Variants in IMPG2 observed in about 807,000 individuals in gnomAD.
IMPG2 encodes IPM 200.
A neutral mutation model predicts 129.2 loss-of-function variants in IMPG2; 91 were observed. The ratio of observed to expected loss-of-function variants is 0.70; its 90% confidence interval spans 0.59 to 0.84. The LOEUF (loss-of-function observed/expected upper bound fraction) is 0.84. IMPG2 is among the 40% of genes least tolerant of loss of function. IMPG2 has a pLI of 0.00. For missense variants in IMPG2, 1,430 were observed against 1,461.7 expected, an observed-to-expected ratio of 0.98 and a Z score of 0.35; for synonymous variants, 510 against 517.7, an observed-to-expected ratio of 0.99 and a Z score of 0.20.
chr3:101,248,315 T>A (rs1261710955), intron 11 of IMPG2, among the ~76,000 whole-genome samples: 2 of 152,296 alleles, frequency 1.3e-5, no homozygotes. Context: ...TCATCTCTTG[T>A]CTAACACCAT....
chr3:101,300,848 A>G (rs989579683), intron 3 of IMPG2, among the ~76,000 whole-genome samples: 1 of 152,224 alleles, frequency 6.6e-6, no homozygotes, highest in Non-Finnish European at 1.5e-5. Context: ...CTTTGCGTTC[A>G]CAACTTAGCT....
intron 2 of IMPG2, among the ~76,000 whole-genome samples, chr3:101,317,324 T>C (rs2058790046): frequency 6.6e-6 from 1 of 152,172 alleles, no homozygotes; most frequent in Non-Finnish European, 1.5e-5. Flanking sequence ...GTATGCTGTT[T>C]AATTTTACAA....
chr3:101,285,071 T>A (rs1706930643), intron 4 of IMPG2, among the ~76,000 whole-genome samples: 1 of 152,200 alleles, frequency 6.6e-6, no homozygotes, highest in Admixed American at 6.5e-5. Flanking sequence ...TCAGAGAATT[T>A]CATCCTGTAA....
At chr3:101,263,157 A>C (rs769017282) in intron 9 of IMPG2, among the ~76,000 whole-genome samples, 3 of 152,022 alleles carry the variant, frequency 2.0e-5, no homozygotes, top group Non-Finnish European at 4.4e-5. Flanking sequence ...AAGAAAAATC[A>C]ACAAAGGAAC....
At position 101,243,759 on chromosome 3, in the gene IMPG2, G is replaced by A. The variant is rs748868844; in HGVS notation, c.2572C>T (p.Gln858Ter). 1 of 1,613,792 alleles carries A rather than the reference G, an allele frequency of 6.2e-7. No individual in the cohort carries two copies. The highest frequency in any genetic ancestry group is 1.7e-5 in the Admixed American group (1 of 60,006). ...DYYQPEQVQE[Q>*]NGKVGSYVEM... is the part of the protein sequence containing the mutation. ...ACATAACTACCAACCTTGCCATTTT[G>A]CTCTTGGACTTGCTCAGGCTGATAG... Residue 858 changes from glutamine (Q) to a stop codon, truncating the protein, a stop_gained, in exon 13 of 19, where the codon CAA becomes TAA. Transcript: ENST00000193391. LOFTEE classifies it high-confidence loss of function.
At chr3:101,237,815 C>T (rs1432143075) in intron 14 of IMPG2, among the ~76,000 whole-genome samples, 2 of 152,002 alleles carry the variant, frequency 1.3e-5, no homozygotes, top group African/African-American at 4.8e-5. Flanking sequence ...GCCTCTTCTT[C>T]CACAAAGAAT....
At chr3:101,302,779 C>A (rs1471876019) in intron 3 of IMPG2, among the ~76,000 whole-genome samples, 1 of 152,072 alleles carries the variant, frequency 6.6e-6, no homozygotes, top group Non-Finnish European at 1.5e-5. Flanking sequence ...ACATGCAATA[C>A]GTTTCATTAA....
chr3:101,249,430 T>C (rs1262102772), intron 11 of IMPG2, among the ~76,000 whole-genome samples: 1 of 151,394 alleles, frequency 6.6e-6, no homozygotes, highest in African/African-American at 2.4e-5. Context: ...AACAACAACA[T>C]GAACCAAAAA....
chr3:101,232,227 T>A (rs962350035), intron 15 of IMPG2, among the ~76,000 whole-genome samples: 7 of 151,484 alleles, frequency 4.6e-5, no homozygotes, highest in African/African-American at 9.7e-5. Context: ...ATTTTTATTT[T>A]TTTTTTATTT....
At position 101,242,804 on chromosome 3, in the gene IMPG2, T is replaced by C. The variant is rs765677740; in HGVS notation, c.2906A>G (p.Asn969Ser). The C allele has an allele frequency of 7.4e-6, 12 of 1,613,948 alleles. No homozygotes were observed. The highest frequency in any genetic ancestry group is 2.7e-5 in the African/African-American group (2 of 74,916). ...IVVNSRMKFA[N>S]SVPPNVNNAV... ...ATTGTTGACGTTAGGAGGGACAGAA[T>C]TGGCAAACTTCATTCGACTGTTCAC... is the stretch of plus-strand genomic sequence containing the variant. The change falls in exon 14 of 19, where the codon AAT becomes AGT. Residue 969 changes from asparagine (N) to serine (S), a missense_variant. By Grantham distance (46) the Asn-to-Ser change is conservative. Coordinates refer to ENST00000193391, the MANE Select transcript of IMPG2 (RefSeq NM_016247.4).
chr3:101,258,466 AC>A (rs1706636749), intron 9 of IMPG2, among the ~76,000 whole-genome samples: 1 of 152,132 alleles, frequency 6.6e-6, no homozygotes, highest in Non-Finnish European at 1.5e-5. Flanking sequence ...TTATATTTTT[AC>A]CACCCTCCAG....
intron 16 of IMPG2, 150 bp downstream of exon 16, chr3:101,230,807 C>T (rs1378601834): frequency 4.3e-6 from 3 of 700,370 alleles, no homozygotes; most frequent in Non-Finnish European, 7.6e-6. Flanking sequence ...ATTTGACACC[C>T]CTTTGAGGAC....
At chr3:101,300,019 G>A (rs1054008872) in intron 3 of IMPG2, among the ~76,000 whole-genome samples, 5 of 152,306 alleles carry the variant, frequency 3.3e-5, no homozygotes, top group South Asian at 2.1e-4. Flanking sequence ...AAATCTACCC[G>A]TCCGCAGAGA....
chr3:101,262,162 C>T (rs1212468575), intron 9 of IMPG2, among the ~76,000 whole-genome samples: 1 of 152,078 alleles, frequency 6.6e-6, no homozygotes, highest in African/African-American at 2.4e-5. Flanking sequence ...GAAACTCAGA[C>T]ATCTCTTCTT....
intron 9 of IMPG2, among the ~76,000 whole-genome samples, chr3:101,266,979 C>G (rs1281370905): frequency 6.6e-6 from 1 of 152,068 alleles, no homozygotes; most frequent in African/African-American, 2.4e-5. Context: ...TACACATACA[C>G]AATGGAATAC....
intron 2 of IMPG2, among the ~76,000 whole-genome samples, chr3:101,312,016 C>T (rs1707267389): frequency 7.9e-6 from 1 of 127,270 alleles, no homozygotes; most frequent in Non-Finnish European, 1.8e-5. Context: ...TAGATCCTTA[C>T]ATCATATACA....
At chr3:101,319,456 G>A in intron 2 of IMPG2, 128 bp downstream of exon 2, 1 of 1,082,360 alleles carries the variant, frequency 9.2e-7, no homozygotes. Flanking sequence ...ATTCTTAGCA[G>A]TAGAAAGGTA....
chr3:101,234,202 G>A (rs1576744081), intron 14 of IMPG2, among the ~76,000 whole-genome samples: 1 of 150,438 alleles, frequency 6.6e-6, no homozygotes, highest in South Asian at 2.2e-4. Flanking sequence ...CTAATGCAAT[G>A]ATTGGTGTCC....
chr3:101,310,476 C>G (rs1707252090), intron 2 of IMPG2, among the ~76,000 whole-genome samples: 1 of 150,292 alleles, frequency 6.7e-6, no homozygotes, highest in South Asian at 2.1e-4. Context: ...GGAGGATCAT[C>G]TGAACCCAGG....
Sources: gnomAD v4.1 joint callset for allele counts (sites outside exome capture counted in the v4.1 genomes callset) on GRCh38, gnomAD v4.1.1 for gene constraint, MANE v1.5 for transcripts, NCBI Gene and HGNC (gene_info 2026-07-23, HGNC 2026-07-21) for gene names.